SPART: variants seen among roughly 807,000 people sequenced by gnomAD.
The protein encoded by SPART is spartin.
Under a neutral mutation model 58.7 loss-of-function variants are expected in SPART, and 35 were observed. The ratio of observed to expected loss-of-function variants is 0.60; its 90% confidence interval spans 0.46 to 0.79. The LOEUF is 0.79. Among genes scored for constraint, SPART ranks in the 30% least tolerant of loss-of-function variants. SPART has a pLI of 0.00. For missense variants in SPART, 730 were observed against 786.1 expected, an observed-to-expected ratio of 0.93 and a Z score of 0.85; for synonymous variants, 284 against 280.7, an observed-to-expected ratio of 1.01 and a Z score of -0.12.
chr13:36,312,037 A>C (rs1035975905), intron 8 of SPART, 108 bp downstream of exon 8: 2 of 1,005,796 alleles, frequency 2.0e-6, no homozygotes, highest in African/African-American at 3.2e-5. Flanking sequence ...CAGTGACCTA[A>C]GATCGCGCCA....
At chr13:36,343,126 C>T (rs986099362) in intron 1 of SPART, among the ~76,000 whole-genome samples, 11 of 152,242 alleles carry the variant, frequency 7.2e-5, no homozygotes, top group Non-Finnish European at 1.2e-4. Context: ...TCATTAAAAT[C>T]CATCAAGTTT....
intron 8 of SPART, among the ~76,000 whole-genome samples, chr13:36,311,467 C>T (rs2072375072): frequency 6.6e-6 from 1 of 151,868 alleles, no homozygotes; most frequent in Middle Eastern, 3.2e-3. Flanking sequence ...GTCTGTATAC[C>T]GAGTGGGCTA....
rs983509848 is a variant in SPART at position 36,346,211 on chromosome 13, C to T, written c.-3+14G>A. On this transcript the variant is annotated intron_variant, in intron 1 of 8. Coordinates refer to ENST00000438666, the MANE Select transcript of SPART (RefSeq NM_015087.5). ...CCAAGGGACCGCGCAGGGGTGAACT[C>T]CCCCGCGCCCCACCTGCGCCTTCCA... is the stretch of plus-strand genomic sequence containing the variant. 1 of 144,808 alleles carries T rather than the reference C, an allele frequency of 6.9e-6. No homozygotes were observed. The highest frequency in any genetic ancestry group is 1.5e-5 in the Non-Finnish European group (1 of 65,638). 9.0% of individuals were successfully genotyped at this position (144,808 alleles called of 1,614,324 possible).
At chr13:36,335,959 C>T (rs1386717599) in intron 1 of SPART, 127 bp from the exon 2 acceptor site, 1 of 765,962 alleles carries the variant, frequency 1.3e-6, no homozygotes, top group South Asian at 1.5e-5. Context: ...CACTATTATA[C>T]TATCCTTTAA....
chr13:36,351,832 A>G (rs1369367736), intron 1 of SPART, among the ~76,000 whole-genome samples: 1 of 152,094 alleles, frequency 6.6e-6, no homozygotes, highest in Non-Finnish European at 1.5e-5. Context: ...AAAATATAGT[A>G]TTTTTTCTTT....
Position 36,304,762 on chromosome 13 carries a change from TTTAA to T in SPART, c.1734-134_1734-131del, listed in dbSNP as rs1169113763. On this transcript the variant is annotated intron_variant, in intron 8 of 8. Coordinates refer to ENST00000438666, the MANE Select transcript of SPART (RefSeq NM_015087.5). ...AGCAAAATTAAAGCTTAGGTTTCAA[TTTAA>T]TTAATAACTTAAAACACAGTAGAGA... The T allele has an allele frequency of 1.9e-5, 18 of 928,654 alleles. No individual in the cohort carries two copies. The East Asian group carries it at 3.7e-4, about 19-fold the overall frequency. 57.5% of individuals were successfully genotyped at this position (928,654 alleles called of 1,614,324 possible).
intron 2 of SPART, 51 bp from the exon 3 acceptor site, chr13:36,331,647 T>C: frequency 2.4e-6 from 3 of 1,271,068 alleles, no homozygotes; most frequent in African/African-American, 1.5e-5. Context: ...TAAATGAAAC[T>C]AGATTTTCAT....
intron 5 of SPART, among the ~76,000 whole-genome samples, chr13:36,322,637 CTT>C (rs1488946066): frequency 2.6e-5 from 4 of 152,042 alleles, no homozygotes; most frequent in Non-Finnish European, 5.9e-5. Flanking sequence ...TTTTGATAGT[CTT>C]TATTTCTGGC....
chr13:36,340,294 C>T (rs1412783524), intron 1 of SPART, among the ~76,000 whole-genome samples: 1 of 149,660 alleles, frequency 6.7e-6, no homozygotes, highest in East Asian at 2.0e-4. Context: ...ACCCGGGAGG[C>T]GGACCTTGCA....
intron 1 of SPART, among the ~76,000 whole-genome samples, chr13:36,340,293 G>A (rs749622371): frequency 4.0e-5 from 6 of 150,170 alleles, no homozygotes; most frequent in Non-Finnish European, 7.4e-5. Context: ...AACCCGGGAG[G>A]CGGACCTTGC....
intron 5 of SPART, among the ~76,000 whole-genome samples, chr13:36,318,575 CAAT>C (rs1286727769): frequency 6.6e-6 from 1 of 152,144 alleles, no homozygotes; most frequent in Non-Finnish European, 1.5e-5. Flanking sequence ...TCAAGGTGTA[CAAT>C]AATAGAAAAA....
chr13:36,308,398 C>T (rs1041435290), intron 8 of SPART: 1 of 152,136 alleles, frequency 6.6e-6, no homozygotes, highest in African/African-American at 2.4e-5. Context: ...TACAAAGCTA[C>T]TTAACTAAAT....
chr13:36,323,117 G>A (rs918121012), intron 5 of SPART, among the ~76,000 whole-genome samples: 4 of 152,178 alleles, frequency 2.6e-5, no homozygotes, highest in Non-Finnish European at 5.9e-5. Context: ...TGTTGGAATA[G>A]GTAGGCAGAA....
intron 1 of SPART, among the ~76,000 whole-genome samples, chr13:36,358,224 G>GT (rs1217394740): frequency 2.6e-5 from 4 of 152,064 alleles, no homozygotes; most frequent in African/African-American, 4.8e-5. Flanking sequence ...AGAAACTCTT[G>GT]TTTTTTTGTT....
chr13:36,353,019 CA>C (rs1885480510), intron 1 of SPART, among the ~76,000 whole-genome samples: 1 of 152,124 alleles, frequency 6.6e-6, no homozygotes, highest in South Asian at 2.1e-4. Flanking sequence ...GATAGACTGA[CA>C]AAAGACTCAG....
In SPART at chr13:36,303,467, TTG is replaced by T. The variant is rs1880188605; in HGVS notation, c.*896_*897del. The T allele has an allele frequency of 6.6e-6, 1 of 152,156 alleles. No individual in the cohort carries two copies. Among genetic ancestry groups the T allele is most frequent in the African/African-American group, 2.4e-5 (1 of 41,456 alleles). The allele number at this position is 152,156 out of a possible 1,614,324, so 9.4% of individuals were successfully genotyped here. ...AATAGAACCTTTCCTTTTTAATAAC[TTG>T]TCTTTTAATATAAATTCCAATGACC... On this transcript the variant is annotated 3_prime_UTR_variant, in exon 9 of 9. Coordinates refer to ENST00000438666, the MANE Select transcript of SPART (RefSeq NM_015087.5).
At chr13:36,337,737 C>T (rs1200974514) in intron 1 of SPART, among the ~76,000 whole-genome samples, 1 of 152,116 alleles carries the variant, frequency 6.6e-6, no homozygotes, top group East Asian at 1.9e-4. Context: ...ATCAACTGTT[C>T]CGATATTGTG....
intron 1 of SPART, among the ~76,000 whole-genome samples, chr13:36,364,849 T>G (rs1447917825): frequency 3.9e-5 from 6 of 152,164 alleles, no homozygotes; most frequent in African/African-American, 1.4e-4. Context: ...TTGCTGTGTT[T>G]TAACAGAGGC....
At chr13:36,323,341 A>G (rs896746838) in intron 5 of SPART, among the ~76,000 whole-genome samples, 2 of 152,004 alleles carry the variant, frequency 1.3e-5, no homozygotes, top group African/African-American at 4.8e-5. Flanking sequence ...GCAACCCTCT[A>G]CCTCCTTCCA....
Sources: allele counts gnomAD v4.1 joint callset (sites outside exome capture counted in the v4.1 genomes callset), GRCh38; gene constraint gnomAD v4.1.1; transcripts MANE v1.5; gene names NCBI Gene and HGNC (gene_info 2026-07-23, HGNC 2026-07-21).